EYS: variants seen among roughly 807,000 people sequenced by gnomAD.
The protein encoded by EYS is EGF-like photoreceptor maintenance factor.
In EYS, 250 loss-of-function variants were observed where a neutral mutation model predicts 282.1. The observed-to-expected ratio is 0.89, with a 90% CI of 0.80 to 0.98. The LOEUF (loss-of-function observed/expected upper bound fraction) is 0.98. Ranked by LOEUF, EYS falls within the 50% of genes least tolerant of loss-of-function variation. The pLI is 0.00. For missense variants in EYS, 4,016 were observed against 3,709.0 expected (o/e 1.08, Z -2.15); for synonymous variants, 1,355 against 1,282.9 (o/e 1.06, Z -1.20).
chr6:64,350,479 T>A (rs1414964347), intron 29 of EYS, among the ~76,000 whole-genome samples: 1 of 151,542 alleles, frequency 6.6e-6, no homozygotes, highest in East Asian at 2.0e-4. Context: ...TTTCCCAGAC[T>A]TTGAAAACAT....
chr6:64,814,377 G>T (rs370096458), intron 21 of EYS, among the ~76,000 whole-genome samples: 2 of 152,002 alleles, frequency 1.3e-5, no homozygotes, highest in Admixed American at 6.6e-5. Flanking sequence ...TGCTATGAGA[G>T]TTAAATAAAA....
chr6:65,269,657 AGTTCTAGACACTGGAAAATTGAGATGAGG>A (rs1318425285), intron 12 of EYS, among the ~76,000 whole-genome samples: 5 of 152,154 alleles, frequency 3.3e-5, no homozygotes, highest in Non-Finnish European at 7.4e-5. Context: ...TATTTCTCAC[AGTTCTAGACACTGGAAAATTGAGATGAGG>A]GTGCCAGGAT....
intron 2 of EYS, among the ~76,000 whole-genome samples, chr6:65,552,238 T>G (rs1419335716): frequency 6.6e-6 from 1 of 152,220 alleles, no homozygotes; most frequent in Non-Finnish European, 1.5e-5. Flanking sequence ...TTATCTCGAC[T>G]ACTTTGCTAG....
intron 12 of EYS, among the ~76,000 whole-genome samples, chr6:65,104,254 CT>C (rs1774972052): frequency 6.6e-6 from 1 of 151,330 alleles, no homozygotes; most frequent in South Asian, 2.1e-4. Context: ...TGAATTCATG[CT>C]TTGTGGGAGA....
Position 64,765,224 on chromosome 6 carries a change from A to G in EYS, c.3443+48154T>C, listed in dbSNP as rs565009673. On this transcript the variant is annotated intron_variant, in intron 22 of 42. Coordinates refer to ENST00000503581, the MANE Select transcript of EYS (RefSeq NM_001142800.2). ...ATCTCTAAGGCAGGGGAAAAATGGC[A>G]TCAGTCTCTTTGCTAAAGCATAGCA... 3.3e-5 allele frequency among the ~76,000 whole-genome samples: 5 copies of G among 152,340 alleles called. No individual in the cohort carries two copies. The South Asian group carries it at 1.0e-3, about 32-fold the overall frequency.
At chr6:65,032,628 A>T (rs1035422238) in intron 13 of EYS, among the ~76,000 whole-genome samples, 25 of 151,914 alleles carry the variant, frequency 1.6e-4, no homozygotes, top group Middle Eastern at 3.4e-3. Context: ...TGCCAGCACC[A>T]TACTTCCTGT....
At chr6:65,503,759 T>C (rs939608354) in intron 2 of EYS, among the ~76,000 whole-genome samples, 7 of 151,724 alleles carry the variant, frequency 4.6e-5, no homozygotes, top group African/African-American at 1.7e-4. Context: ...CACAGATTAG[T>C]TGACTACATT....
chr6:65,181,558 A>G (rs2150233734), intron 12 of EYS, among the ~76,000 whole-genome samples: 1 of 152,256 alleles, frequency 6.6e-6, no homozygotes, highest in Non-Finnish European at 1.5e-5. Context: ...TCAGGAAACA[A>G]CAGGTGCTGG....
chr6:64,298,497 T>G (rs1208221417), intron 30 of EYS, among the ~76,000 whole-genome samples: 1 of 152,150 alleles, frequency 6.6e-6, no homozygotes, highest in Non-Finnish European at 1.5e-5. Context: ...GACTTTAGGC[T>G]GTTAATCGCA....
chr6:65,414,505 A>G (rs1390903373), intron 5 of EYS, among the ~76,000 whole-genome samples: 2 of 152,178 alleles, frequency 1.3e-5, no homozygotes, highest in Non-Finnish European at 2.9e-5. Flanking sequence ...CATGCTCTAA[A>G]TATATTTTGA....
intron 34 of EYS, among the ~76,000 whole-genome samples, chr6:63,992,881 C>A (rs945584286): frequency 6.6e-6 from 1 of 151,644 alleles, no homozygotes; most frequent in African/African-American, 2.4e-5. Flanking sequence ...CCCATAATCC[C>A]CACATGTCAA....
At chr6:64,869,612 G>C (rs756368597) in intron 19 of EYS, among the ~76,000 whole-genome samples, 1 of 151,612 alleles carries the variant, frequency 6.6e-6, no homozygotes, top group Non-Finnish European at 1.5e-5. Flanking sequence ...GGATATTTCT[G>C]TAGAAGAAAC....
chr6:65,553,871 T>C (rs1370561848), intron 2 of EYS, among the ~76,000 whole-genome samples: 1 of 152,096 alleles, frequency 6.6e-6, no homozygotes, highest in Non-Finnish European at 1.5e-5. Context: ...AATCAAAATA[T>C]ATAAAATATT....
In EYS at chr6:64,938,768, TAC is replaced by T. The variant is rs527590263; in HGVS notation, c.2381+7023_2381+7024del. On this transcript the variant is annotated intron_variant, in intron 15 of 42. Coordinates refer to ENST00000503581, the MANE Select transcript of EYS (RefSeq NM_001142800.2). The stretch of plus-strand genomic sequence containing the variant: ...ATATTCAGTAAGTATATTAAATACT[TAC>T]AAGTACATTTCCAACTTACAATTTT... Among the ~76,000 whole-genome samples the T allele has an allele frequency of 8.8e-4, 133 of 151,848 alleles. 1 individual carries two copies. The highest frequency in any genetic ancestry group is 3.1e-3 in the African/African-American group (128 of 41,532).
At chr6:64,272,570 T>G (rs1043282711) in intron 30 of EYS, among the ~76,000 whole-genome samples, 2 of 152,164 alleles carry the variant, frequency 1.3e-5, no homozygotes, top group Non-Finnish European at 2.9e-5. Flanking sequence ...GGGTTGAAAA[T>G]TCTTTTCTTT....
chr6:64,460,973 A>G (rs147945080), intron 26 of EYS, among the ~76,000 whole-genome samples: 28 of 152,348 alleles, frequency 1.8e-4, no homozygotes, highest in Middle Eastern at 3.4e-3. Flanking sequence ...ATACAGACAA[A>G]GACTATGCAA....
At chr6:64,865,656 G>C (rs754796394) in intron 19 of EYS, among the ~76,000 whole-genome samples, 1 of 152,006 alleles carries the variant, frequency 6.6e-6, no homozygotes, top group Non-Finnish European at 1.5e-5. Flanking sequence ...TAGGGGTAAA[G>C]TTATTTATTA....
chr6:65,011,039 A>G (rs1350339486), intron 13 of EYS, among the ~76,000 whole-genome samples: 1 of 152,208 alleles, frequency 6.6e-6, no homozygotes, highest in Non-Finnish European at 1.5e-5. Context: ...AGTATGGGGT[A>G]ATCCCCTCCG....
intron 37 of EYS, among the ~76,000 whole-genome samples, chr6:63,803,308 C>T (rs1285422967): frequency 2.7e-5 from 4 of 150,662 alleles, no homozygotes; most frequent in African/African-American, 7.3e-5. Context: ...AAGTGGTGTG[C>T]AGAGTAAAGG....
Sources: gnomAD v4.1 joint callset for allele counts (sites outside exome capture counted in the v4.1 genomes callset) on GRCh38, gnomAD v4.1.1 for gene constraint, MANE v1.5 for transcripts, NCBI Gene and HGNC (gene_info 2026-07-23, HGNC 2026-07-21) for gene names.